The following ZFHX3 variants were observed in gnomAD, a reference collection of about 807,000 sequenced individuals.
The protein encoded by ZFHX3 is zinc finger homeobox protein 3.
Under a neutral mutation model 279.1 loss-of-function variants are expected in ZFHX3, and 42 were observed. That is an observed-to-expected ratio of 0.15 (90% CI 0.12 to 0.19). The LOEUF is 0.19. ZFHX3 is among the 10% of genes least tolerant of loss of function. The pLI, the probability that ZFHX3 is intolerant of heterozygous loss-of-function variation, is 1.00. For synonymous variants in ZFHX3, 2,293 were observed against 1,957.8 expected, an observed-to-expected ratio of 1.17 and a Z score of -4.52; for missense variants, 4,981 against 4,754.0, an observed-to-expected ratio of 1.05 and a Z score of -1.40.
chr16:73,062,805 G>C (rs1362936545), upstream of ZFHX3, among the ~76,000 whole-genome samples: 2 of 152,192 alleles, frequency 1.3e-5, no homozygotes, highest in African/African-American at 2.4e-5. Context: ...TCCAGAGCTA[G>C]ATCTAAGGAA....
At chr16:73,326,456 C>T (rs2015690568) in intron 3 of ZFHX3, among the ~76,000 whole-genome samples, 1 of 152,124 alleles carries the variant, frequency 6.6e-6, no homozygotes, top group Non-Finnish European at 1.5e-5. Flanking sequence ...CTGACACATA[C>T]CACAAAGAGG....
chr16:73,765,819 T>C (rs1295934871), intron 1 of ZFHX3, among the ~76,000 whole-genome samples: 1 of 152,176 alleles, frequency 6.6e-6, no homozygotes, highest in Non-Finnish European at 1.5e-5. Flanking sequence ...TTTTTCCGGA[T>C]GGAGATGTAT....
intron 5 of ZFHX3, among the ~76,000 whole-genome samples, chr16:72,826,769 C>G (rs897765207): frequency 6.6e-6 from 1 of 152,180 alleles, no homozygotes; most frequent in Non-Finnish European, 1.5e-5. Flanking sequence ...TTCATTTTCT[C>G]TCTGTCTTTT....
intron 3 of ZFHX3, among the ~76,000 whole-genome samples, chr16:73,338,047 CA>C (rs200829693): frequency 0.024 from 3,580 of 152,234 alleles, 57 homozygotes; most frequent in Non-Finnish European, 0.038. Context: ...GTTGCTCAAT[CA>C]AAACCCTAAC....
rs1292218077 is a variant in ZFHX3, at chr16:72,794,503, C to G, written c.8179G>C (p.Glu2727Gln). The G allele has an allele frequency of 6.2e-7, 1 of 1,614,096 alleles. No homozygotes were observed. Among genetic ancestry groups the G allele is most frequent in the Non-Finnish European group, 8.5e-7 (1 of 1,180,056 alleles). ...CAGTGACGGGACCGGATATGAGCCT[C>G]AAGAGCAGTCTTGGCTTTGAAGAGC... Reference protein sequence around the residue: ...RALFKAKTALEAHIRSRHWHE... With the variant: ...RALFKAKTALQAHIRSRHWHE... Residue 2727 changes from glutamate to glutamine, a missense_variant, in exon 9 of 10, where the codon GAG (glutamate) becomes CAG (glutamine). Glu to Gln is a conservative substitution (Grantham distance 29). Coordinates refer to ENST00000268489, the MANE Select transcript of ZFHX3 (RefSeq NM_006885.4). This position sits in a 1 kb window ranked among gnomAD's most constrained non-coding sequence, Gnocchi z 4.2.
intron 2 of ZFHX3, among the ~76,000 whole-genome samples, chr16:73,658,639 T>C (rs561690579): frequency 6.6e-6 from 1 of 152,206 alleles, no homozygotes; most frequent in African/African-American, 2.4e-5. Context: ...TCCACTTGTA[T>C]AGTCAGAACC....
intron 5 of ZFHX3, among the ~76,000 whole-genome samples, chr16:73,165,099 G>A (rs2045348648): frequency 1.3e-5 from 2 of 152,150 alleles, no homozygotes; most frequent in Non-Finnish European, 2.9e-5. Flanking sequence ...TTGACATGAC[G>A]AGGTCAGATT....
chr16:73,492,288 C>T (rs2019068134), intron 2 of ZFHX3, among the ~76,000 whole-genome samples: 1 of 152,158 alleles, frequency 6.6e-6, no homozygotes, highest in African/African-American at 2.4e-5. Context: ...GTTCCACACA[C>T]CACCCAATTC....
At chr16:72,830,166 T>A (rs147055001) in intron 4 of ZFHX3, among the ~76,000 whole-genome samples, 1 of 152,368 alleles carries the variant, frequency 6.6e-6, no homozygotes, top group African/African-American at 2.4e-5. Flanking sequence ...AAACCAATCC[T>A]GGTTGAAGCA....
At chr16:73,497,551 T>C (rs1041732732) in intron 2 of ZFHX3, among the ~76,000 whole-genome samples, 2 of 152,086 alleles carry the variant, frequency 1.3e-5, no homozygotes, top group Non-Finnish European at 2.9e-5. Context: ...ATGCCTGTAG[T>C]CCCAGCCACT....
intron 5 of ZFHX3, among the ~76,000 whole-genome samples, chr16:73,215,793 T>C (rs1408830065): frequency 6.6e-6 from 1 of 152,210 alleles, no homozygotes; most frequent in Non-Finnish European, 1.5e-5. Flanking sequence ...AGGTGGAACT[T>C]ATTTCCTCAT....
At chr16:73,535,627 C>T (rs2019886533) in intron 2 of ZFHX3, among the ~76,000 whole-genome samples, 1 of 152,112 alleles carries the variant, frequency 6.6e-6, no homozygotes, top group Admixed American at 6.5e-5. Context: ...CAATAAGAGA[C>T]CAAGAAAAAA....
Position 72,788,328 on chromosome 16 carries a change from A to C in ZFHX3, c.9948T>G (p.Ser3316=). Residue 3316 remains serine (S), a synonymous_variant, in exon 10 of 10, where the codon TCT becomes TCG. Transcript: ENST00000268489. ...QFLPYFVPGF[S]PYYAPQIPGA... ...CAGGGATCTGGGGAGCATAATAAGGAGAAAAGCCTGGTACAAAGTAAGGAA... is the reference window on the plus strand; with the variant it reads ...CAGGGATCTGGGGAGCATAATAAGGCGAAAAGCCTGGTACAAAGTAAGGAA... 1.9e-6 allele frequency: 3 copies of C among 1,614,188 alleles called. No individual in the cohort carries two copies. The Middle Eastern group carries it at 4.9e-4, about 266-fold the overall frequency.
At chr16:73,164,270 G>A (rs1283334533) in intron 5 of ZFHX3, among the ~76,000 whole-genome samples, 1 of 152,188 alleles carries the variant, frequency 6.6e-6, no homozygotes, top group East Asian at 1.9e-4. Context: ...TGGATATAAG[G>A]CTATGTTTAA....
intron 3 of ZFHX3, among the ~76,000 whole-genome samples, chr16:73,408,827 T>C (rs1234069696): frequency 6.6e-6 from 1 of 151,864 alleles, no homozygotes; most frequent in Admixed American, 6.6e-5. Flanking sequence ...TCCTCTCCCA[T>C]GGGAGAGGAC....
At chr16:72,899,043 C>T (rs2038969149) in intron 3 of ZFHX3, among the ~76,000 whole-genome samples, 1 of 152,220 alleles carries the variant, frequency 6.6e-6, no homozygotes, top group Non-Finnish European at 1.5e-5. Flanking sequence ...CTTCCAGAAT[C>T]TGACAATCAC....
rs398029895 is a variant in ZFHX3 at position 73,227,848 on chromosome 16, C to CAAAAAAAAAAAAA, written c.-1104+29186_-1104+29198dup. Among the ~76,000 whole-genome samples, 25 of 46,060 alleles carry CAAAAAAAAAAAAA rather than the reference C, an allele frequency of 5.4e-4. 2 individuals are homozygous for CAAAAAAAAAAAAA. Among genetic ancestry groups the CAAAAAAAAAAAAA allele is most frequent in the African/African-American group, 2.5e-3 (24 of 9,452 alleles). The allele number at this position is 46,060 out of a possible 152,430, so 30.2% of individuals were successfully genotyped here. The stretch of plus-strand genomic sequence containing the variant: ...TGAGCAACAGAGCAAGATTCTGTCT[C>CAAAAAAAAAAAAA]AAAAAAAAAAAAAAAAAAAAAAAAA... On this transcript the variant is annotated intron_variant, in intron 5 of 17. Coordinates refer to the ZFHX3 transcript ENST00000641206.
At chr16:73,636,895 T>G (rs1285898851) in intron 2 of ZFHX3, among the ~76,000 whole-genome samples, 1 of 152,046 alleles carries the variant, frequency 6.6e-6, no homozygotes, top group African/African-American at 2.4e-5. Context: ...GGGCTAGGGG[T>G]AGAATTTAAT....
At chr16:73,032,643 C>A (rs1213914363) in intron 1 of ZFHX3, among the ~76,000 whole-genome samples, 1 of 151,876 alleles carries the variant, frequency 6.6e-6, no homozygotes, top group Non-Finnish European at 1.5e-5. Flanking sequence ...ATGGGGGCCT[C>A]CCAACATCAC....
Sources: allele counts gnomAD v4.1 joint callset (sites outside exome capture counted in the v4.1 genomes callset), GRCh38; gene constraint gnomAD v4.1.1; non-coding constraint Gnocchi (gnomAD v3.1); transcripts MANE v1.5; gene names NCBI Gene and HGNC (gene_info 2026-07-23, HGNC 2026-07-21).